The following KLB variants were observed in gnomAD, a reference collection of about 807,000 sequenced individuals.
KLB encodes the protein klotho beta.
KLB carries 44 observed loss-of-function variants against 88.4 expected under a neutral mutation model. The observed-to-expected ratio is 0.50, with a 90% CI of 0.39 to 0.64. The LOEUF (loss-of-function observed/expected upper bound fraction) is 0.64. Among genes scored for constraint, KLB ranks in the 30% least tolerant of loss-of-function variants. KLB has a pLI of 0.00. For missense variants in KLB, 1,137 were observed against 1,304.8 expected (o/e 0.87, Z 1.98); for synonymous variants, 548 against 513.4 (o/e 1.07, Z -0.91).
In KLB at chr4:39,407,714, T is replaced by A. The variant is rs1161649386; in HGVS notation, c.765T>A (p.His255Gln). Reference sequence around the variant, plus strand: ...GGCATGGGTATGGGACAGGTATGCATGCCCCTGGAGAGAAGGGAAATTTAG... The same window carrying A: ...GGCATGGGTATGGGACAGGTATGCAAGCCCCTGGAGAGAAGGGAAATTTAG... Reference protein sequence around the residue: ...VAWHGYGTGMHAPGEKGNLAA... With the variant: ...VAWHGYGTGMQAPGEKGNLAA... Residue 255 changes from histidine to glutamine, a missense_variant, in exon 1 of 5, where the codon CAT becomes CAA. His to Gln is a conservative substitution (Grantham distance 24). This residue lies in a region of KLB where 597 missense variants were observed against 765.2 expected (regional missense o/e 0.78). Coordinates refer to ENST00000257408, the MANE Select transcript of KLB (RefSeq NM_175737.4). The A allele has an allele frequency of 3.1e-6, 5 of 1,612,994 alleles. No individual in the cohort carries two copies. The highest frequency in any genetic ancestry group is 3.4e-6 in the Non-Finnish European group (4 of 1,178,988).
chr4:39,429,893 G>T (rs1743306138), intron 1 of KLB, among the ~76,000 whole-genome samples: 1 of 152,150 alleles, frequency 6.6e-6, no homozygotes, highest in Non-Finnish European at 1.5e-5. Context: ...TTCTCTACAT[G>T]AGAATGAAGA....
At position 39,448,422 on chromosome 4, in the gene KLB, T is replaced by C. The variant is rs773774076; in HGVS notation, c.2871T>C (p.Phe957=). 24 of 1,614,056 alleles carry C rather than the reference T, an allele frequency of 1.5e-5. No homozygotes were observed. Among genetic ancestry groups the C allele is most frequent in the Middle Eastern group, 1.6e-4 (1 of 6,084 alleles). ...SDFKAKSSIQ[F]YNKVISSRGF... is the part of the protein sequence containing the mutation. ...TTAAAGCTAAATCCTCAATACAATTTTACAACAAAGTGATCAGCAGCAGGG... is the reference window on the plus strand; with the variant it reads ...TTAAAGCTAAATCCTCAATACAATTCTACAACAAAGTGATCAGCAGCAGGG... The change falls in exon 5 of 5, where the codon TTT becomes TTC. Residue 957 remains phenylalanine (F), a synonymous_variant. Coordinates refer to ENST00000257408, the MANE Select transcript of KLB (RefSeq NM_175737.4).
At chr4:39,411,193 C>T (rs1742834013) in intron 1 of KLB, among the ~76,000 whole-genome samples, 1 of 150,210 alleles carries the variant, frequency 6.7e-6, no homozygotes, top group African/African-American at 2.5e-5. Context: ...GGATTACAGG[C>T]AAGTGCCACC....
At chr4:39,437,135 C>T (rs1305622973) in intron 2 of KLB, among the ~76,000 whole-genome samples, 1 of 152,208 alleles carries the variant, frequency 6.6e-6, no homozygotes, top group Non-Finnish European at 1.5e-5. Context: ...GAAACCGAGG[C>T]CAAGAAATTT....
At position 39,450,676 on chromosome 4, in the gene KLB, C is replaced by CAACT. The variant is rs1050698458; in HGVS notation, c.*1992_*1995dup. ...AACTATGTACCTAAGGTCACGCATA[C>CAACT]AACTAGTCAATTCTGTTTTTATTAC... On this transcript the variant is annotated 3_prime_UTR_variant, in exon 5 of 5. Transcript: ENST00000257408. 1 of 152,154 alleles carries CAACT rather than the reference C, an allele frequency of 6.6e-6. No individual in the cohort carries two copies. Among genetic ancestry groups the CAACT allele is most frequent in the African/African-American group, 2.4e-5 (1 of 41,442 alleles). 9.4% of individuals were successfully genotyped at this position (152,154 alleles called of 1,614,324 possible). A position where few individuals can be genotyped will look rare whatever the true frequency, so the allele number is the denominator to read the frequency against.
At chr4:39,420,353 A>G (rs1743054702) in intron 1 of KLB, among the ~76,000 whole-genome samples, 1 of 152,168 alleles carries the variant, frequency 6.6e-6, no homozygotes, top group African/African-American at 2.4e-5. Context: ...TTGAACATCA[A>G]CGTATTATTA....
At chr4:39,447,502 G>A (rs756993631) in intron 4 of KLB, 27 bp downstream of exon 4, 5 of 1,505,934 alleles carry the variant, frequency 3.3e-6, no homozygotes, top group Non-Finnish European at 4.4e-6. Context: ...TTCAGACACA[G>A]GGCAGAGCGA....
intron 1 of KLB, among the ~76,000 whole-genome samples, chr4:39,427,742 T>C (rs936693720): frequency 2.6e-5 from 4 of 152,190 alleles, no homozygotes; most frequent in Admixed American, 2.6e-4. Flanking sequence ...AGCTTGCTCT[T>C]TCAAAGTACT....
In KLB at chr4:39,424,700, C is replaced by G. The variant is rs536194433; in HGVS notation, c.826-9510C>G. ...AGGCTGGAGTGCAGTGGCGCTATCT[C>G]GGCTCACTGCAACCTTTGCATCCCG... On this transcript the variant is annotated intron_variant, in intron 1 of 4. Transcript: ENST00000257408. Among the ~76,000 whole-genome samples the G allele has an allele frequency of 1.0e-4, 15 of 148,364 alleles. No individual in the cohort carries two copies. In the East Asian group the frequency reaches 2.7e-3, roughly 27 times the overall value.
rs201499700 is a variant in KLB at position 39,446,636 on chromosome 4, C to A, written c.1910C>A (p.Ala637Glu). 6.2e-7 allele frequency: 1 copy of A among 1,613,522 alleles called. No individual in the cohort carries two copies. Among genetic ancestry groups the A allele is most frequent in the Non-Finnish European group, 8.5e-7 (1 of 1,179,626 alleles). The part of the protein sequence containing the change: ...VSEGLKLGIS[A>E]MVTLYYPTHA... ...GAGGGGCTGAAGCTTGGCATCTCCG[C>A]GATGGTCACCCTGTATTATCCGACC... Residue 637 changes from alanine to glutamate, a missense_variant, in exon 4 of 5, where the codon GCG becomes GAG. Ala to Glu is a moderately radical substitution (Grantham distance 107). Around this residue, in one of 4 missense-constraint regions of KLB, gnomAD observed 597 missense variants for 765.2 expected, o/e 0.78. Coordinates refer to ENST00000257408, the MANE Select transcript of KLB (RefSeq NM_175737.4). This position sits in a 1 kb window ranked among gnomAD's most constrained non-coding sequence, Gnocchi z 6.4.
chr4:39,410,769 G>A (rs1158032010), intron 1 of KLB, among the ~76,000 whole-genome samples: 1 of 152,172 alleles, frequency 6.6e-6, no homozygotes, highest in African/African-American at 2.4e-5. Flanking sequence ...GAATTCTGGG[G>A]GGGTATGGAC....
At chr4:39,443,823 T>TC (rs1743673995) in intron 3 of KLB, among the ~76,000 whole-genome samples, 1 of 149,970 alleles carries the variant, frequency 6.7e-6, no homozygotes, top group Non-Finnish European at 1.5e-5. Flanking sequence ...TCTATGAATA[T>TC]CCTATTCCTC....
chr4:39,424,129 G>GCACAATCA (rs1743145866), intron 1 of KLB, among the ~76,000 whole-genome samples: 1 of 151,768 alleles, frequency 6.6e-6, no homozygotes, highest in Non-Finnish European at 1.5e-5. Context: ...GAGTGCAGTG[G>GCACAATCA]CACAATCACG....
chr4:39,410,889 T>C (rs1742825245), intron 1 of KLB, among the ~76,000 whole-genome samples: 1 of 152,132 alleles, frequency 6.6e-6, no homozygotes, highest in South Asian at 2.1e-4. Flanking sequence ...AATGTTCCCA[T>C]TTGGAGGAAA....
At position 39,447,235 on chromosome 4, in the gene KLB, G is replaced by T. The variant is rs1399193930; in HGVS notation, c.2509G>T (p.Ala837Ser). 6.2e-7 allele frequency: 1 copy of T among 1,614,086 alleles called. No individual in the cohort carries two copies. The highest frequency in any genetic ancestry group is 8.5e-7 in the Non-Finnish European group (1 of 1,180,048). ...TAGGTTCGTGATGCACGAGCAGCTG[G>T]CCGGCAGCCGCTACGACTCGGACAG... ...TTRFVMHEQL[A>S]GSRYDSDRDI... The change falls in exon 4 of 5, where the codon GCC (alanine) becomes TCC (serine). Residue 837 changes from alanine to serine, a missense_variant. Around this residue, in one of 4 missense-constraint regions of KLB, gnomAD observed 426 missense variants for 404.6 expected, o/e 1.05. Coordinates refer to ENST00000257408, the MANE Select transcript of KLB (RefSeq NM_175737.4).
chr4:39,446,682 C>T lies in KLB; in HGVS notation c.1956C>T (p.Pro652=), dbSNP rs147916209. Residue 652 remains proline, a synonymous_variant, in exon 4 of 5, where the codon CCC becomes CCT. Coordinates refer to ENST00000257408, the MANE Select transcript of KLB (RefSeq NM_175737.4). This position sits in a 1 kb window ranked among gnomAD's most constrained non-coding sequence, Gnocchi z 6.4. ...YYPTHAHLGL[P]EPLLHADGWL... is the part of the protein sequence containing the mutation. Reference sequence around the variant, plus strand: ...CGACCCACGCCCACCTAGGCCTCCCCGAGCCTCTGTTGCATGCCGACGGGT... The same window carrying T: ...CGACCCACGCCCACCTAGGCCTCCCTGAGCCTCTGTTGCATGCCGACGGGT... The T allele has an allele frequency of 1.9e-6, 3 of 1,611,034 alleles. No homozygotes were observed. The highest frequency in any genetic ancestry group is 2.2e-5 in the South Asian group (2 of 90,960).
intron 1 of KLB, among the ~76,000 whole-genome samples, chr4:39,433,328 T>G (rs921012190): frequency 6.6e-6 from 1 of 152,212 alleles, no homozygotes; most frequent in Non-Finnish European, 1.5e-5. Context: ...CCATTGGTCT[T>G]CTGCTGTGGG....
At chr4:39,424,481 C>G (rs1205112922) in intron 1 of KLB, among the ~76,000 whole-genome samples, 1 of 151,714 alleles carries the variant, frequency 6.6e-6, no homozygotes, top group Non-Finnish European at 1.5e-5. Flanking sequence ...CCCTGACCCA[C>G]CCAGGGCATT....
At chr4:39,435,490 A>G (rs1743454981) in intron 2 of KLB, among the ~76,000 whole-genome samples, 1 of 150,080 alleles carries the variant, frequency 6.7e-6, no homozygotes, top group African/African-American at 2.5e-5. Context: ...CAGTGGTGCA[A>G]TCTCAGCTCA....
Sources: gnomAD v4.1 joint callset for allele counts (sites outside exome capture counted in the v4.1 genomes callset) on GRCh38, gnomAD v4.1.1 for gene constraint, gnomAD v4.1.1 regional missense constraint, Gnocchi (gnomAD v3.1) non-coding constraint, MANE v1.5 for transcripts, NCBI Gene and HGNC (gene_info 2026-07-23, HGNC 2026-07-21) for gene names.